CBLN2: variants seen among roughly 807,000 people sequenced by gnomAD.
CBLN2 encodes the protein cerebellin-2.
In CBLN2, 7 loss-of-function variants were observed where a neutral mutation model predicts 15.0. The observed-to-expected ratio is 0.47, with a 90% confidence interval of 0.27 to 0.88. The LOEUF (loss-of-function observed/expected upper bound fraction) is 0.88, where lower values mean the gene tolerates loss of function less well. Among genes scored for constraint, CBLN2 ranks in the 40% least tolerant of loss-of-function variants. CBLN2 has a pLI of 0.14. For synonymous variants in CBLN2, 149 were observed against 135.2 expected (o/e 1.10, Z -0.71); for missense variants, 242 against 304.5 (o/e 0.79, Z 1.53).
intron 1 of CBLN2, among the ~76,000 whole-genome samples, chr18:72,574,129 G>A (rs2069349457): frequency 6.6e-6 from 1 of 152,084 alleles, no homozygotes. Flanking sequence ...TTTTACTTGA[G>A]TTGTTCATTT....
intron 1 of CBLN2, among the ~76,000 whole-genome samples, chr18:72,597,106 G>A (rs1029013582): frequency 1.3e-5 from 2 of 152,062 alleles, no homozygotes; most frequent in Non-Finnish European, 2.9e-5. Flanking sequence ...TTGTTGTCTG[G>A]GCATTGAAGA....
In CBLN2 at chr18:72,541,929, C is replaced by G; in HGVS notation, c.232G>C (p.Val78Leu). The G allele has an allele frequency of 6.2e-7, 1 of 1,607,700 alleles. No individual in the cohort carries two copies. The highest frequency in any genetic ancestry group is 8.5e-7 in the Non-Finnish European group (1 of 1,179,416). The change falls in exon 3 of 5, where the codon GTC becomes CTC. Residue 78 changes from valine (V) to leucine (L), a missense_variant. By Grantham distance (32) the Val-to-Leu change is conservative (BLOSUM62 1). Transcript: ENST00000269503. ...ACGGAGATGCCTAGGGAGGAGGTGA[C>G]GGCGCCGTCCGCCGACGGGCTGGAG... ...CDSSPSADGAVTSSLGISVRS... is the reference protein window; with the variant it reads ...CDSSPSADGALTSSLGISVRS...
At chr18:72,596,427 C>T (rs974478554) in intron 1 of CBLN2, among the ~76,000 whole-genome samples, 2 of 152,096 alleles carry the variant, frequency 1.3e-5, no homozygotes, top group Non-Finnish European at 2.9e-5. Flanking sequence ...ATCTTTTCAT[C>T]TTTCTACTTA....
chr18:72,542,347 A>C, intron 2 of CBLN2, 21 bp from the exon 3 acceptor site: 2 of 283,816 alleles, frequency 7.0e-6, no homozygotes, highest in Non-Finnish European at 1.2e-5. Flanking sequence ...ACAGAACCCA[A>C]AGCCTTACAC....
chr18:72,616,184 T>C (rs1437431232), intron 1 of CBLN2, among the ~76,000 whole-genome samples: 1 of 152,200 alleles, frequency 6.6e-6, no homozygotes, highest in East Asian at 1.9e-4. Flanking sequence ...TGGCTTCTAA[T>C]ATATGACCAC....
intron 1 of CBLN2, among the ~76,000 whole-genome samples, chr18:72,616,976 A>G (rs2069666839): frequency 6.6e-6 from 1 of 152,140 alleles, no homozygotes. Context: ...ACACAGTCCT[A>G]ATCTGATTGG....
intron 1 of CBLN2, among the ~76,000 whole-genome samples, chr18:72,624,487 A>G (rs2069721878): frequency 6.6e-6 from 1 of 152,144 alleles, no homozygotes; most frequent in Non-Finnish European, 1.5e-5. Flanking sequence ...TAAAAATACA[A>G]AAATTATCTA....
At chr18:72,636,186 A>G (rs1410519660) in intron 1 of CBLN2, among the ~76,000 whole-genome samples, 1 of 152,218 alleles carries the variant, frequency 6.6e-6, no homozygotes, top group African/African-American at 2.4e-5. Flanking sequence ...CATTATCTAA[A>G]TAACACTTCA....
intron 1 of CBLN2, among the ~76,000 whole-genome samples, chr18:72,559,720 G>T (rs978598142): frequency 6.6e-6 from 1 of 152,182 alleles, no homozygotes; most frequent in African/African-American, 2.4e-5. Context: ...TCGAGGATAA[G>T]GCAATGCTGA....
At chr18:72,607,835 C>A (rs2069593474) in intron 1 of CBLN2, among the ~76,000 whole-genome samples, 1 of 152,150 alleles carries the variant, frequency 6.6e-6, no homozygotes, top group African/African-American at 2.4e-5. Context: ...CCATTCCCCT[C>A]ATCACACTGT....
chr18:72,549,660 G>A (rs961132111), intron 1 of CBLN2, among the ~76,000 whole-genome samples: 2 of 152,160 alleles, frequency 1.3e-5, no homozygotes, highest in Non-Finnish European at 2.9e-5. Context: ...TCATGATTGT[G>A]TTAAAATGTT....
intron 1 of CBLN2, among the ~76,000 whole-genome samples, chr18:72,569,722 G>T (rs2069318734): frequency 6.6e-6 from 1 of 152,076 alleles, no homozygotes; most frequent in African/African-American, 2.4e-5. Flanking sequence ...CAGATCTCGT[G>T]TGAACTACCA....
chr18:72,632,492 T>C lies in CBLN2; in HGVS notation c.15+5833A>G, dbSNP rs190271463. ...TATAAATAACTTAATCATCTGTGAT[T>C]ATGTTTTCATTTTCTGCCTTCATGC... On this transcript the variant is annotated intron_variant, in intron 1 of 2. Transcript: ENST00000581073. Among the ~76,000 whole-genome samples the C allele has an allele frequency of 1.4e-4, 22 of 152,326 alleles. No individual in the cohort carries two copies. In the East Asian group the frequency reaches 3.7e-3, roughly 25 times the overall value.
intron 1 of CBLN2, among the ~76,000 whole-genome samples, chr18:72,577,546 G>A (rs997352680): frequency 4.6e-5 from 7 of 152,140 alleles, no homozygotes; most frequent in African/African-American, 9.7e-5. Flanking sequence ...CAATTGCAGG[G>A]ATTTTCATTG....
intron 3 of CBLN2, 77 bp downstream of exon 3, chr18:72,541,717 TCCAAGAAGCC>T: frequency 9.3e-7 from 1 of 1,076,580 alleles, no homozygotes; most frequent in Non-Finnish European, 1.3e-6. Context: ...GAACTCCACG[TCCAAGAAGCC>T]TGAACCCCAG....
upstream of CBLN2, among the ~76,000 whole-genome samples, chr18:72,546,309 C>A (rs1055186739): frequency 5.9e-5 from 9 of 151,844 alleles, no homozygotes; most frequent in Admixed American, 5.2e-4. Flanking sequence ...TGGTGGCGGA[C>A]GCCTGTAGTC....
intron 1 of CBLN2, among the ~76,000 whole-genome samples, chr18:72,562,728 T>C (rs2069269750): frequency 6.6e-6 from 1 of 152,240 alleles, no homozygotes; most frequent in South Asian, 2.1e-4. Flanking sequence ...AGGAGGCAGT[T>C]TAAAATGTTA....
At chr18:72,625,143 A>G (rs1000406573) in intron 1 of CBLN2, 7 of 152,118 alleles carry the variant, frequency 4.6e-5, no homozygotes, top group Admixed American at 1.3e-4. Flanking sequence ...TCTAACTCAT[A>G]TAGAGAGCTT....
chr18:72,604,492 A>G (rs1156546921), intron 1 of CBLN2, among the ~76,000 whole-genome samples: 1 of 152,178 alleles, frequency 6.6e-6, no homozygotes, highest in African/African-American at 2.4e-5. Context: ...CACACAATTT[A>G]TGAAACAGTC....
Sources: allele counts gnomAD v4.1 joint callset (sites outside exome capture counted in the v4.1 genomes callset), GRCh38; gene constraint gnomAD v4.1.1; transcripts MANE v1.5; gene names NCBI Gene and HGNC (gene_info 2026-07-23, HGNC 2026-07-21).